The following FHIT variants were observed in gnomAD, a reference collection of about 807,000 sequenced individuals.
FHIT encodes the protein fragile histidine triad diadenosine triphosphatase.
A neutral mutation model predicts 17.9 loss-of-function variants in FHIT; 19 were observed. The observed-to-expected ratio is 1.06, with a 90% CI of 0.74 to 1.56. The LOEUF is 1.56. Among genes scored for constraint, FHIT ranks in the 40% most tolerant of loss-of-function variants. The probability of loss-of-function intolerance (pLI) is 0.00; values close to 1 mark genes in which losing one functional copy is unlikely to be tolerated. For missense variants in FHIT, 248 were observed against 189.2 expected, an observed-to-expected ratio of 1.31 and a Z score of -1.82; for synonymous variants, 81 against 69.7, an observed-to-expected ratio of 1.16 and a Z score of -0.81.
Position 60,825,491 on chromosome 3 carries a change from C to T in FHIT, c.-110-3480G>A, listed in dbSNP as rs552141995. ...TAGGTCGGGGTCCCCAACCGCCAGG[C>T]GGCAGACCAGTACCAGTCTGTGGCC... On this transcript the variant is annotated intron_variant, in intron 3 of 9. Transcript: ENST00000492590. 1.1e-4 allele frequency among the ~76,000 whole-genome samples: 16 copies of T among 152,154 alleles called. 1 individual carries two copies. The highest frequency in any genetic ancestry group is 5.9e-4 in the Admixed American group (9 of 15,278).
At chr3:60,265,475 C>T (rs1435741655) in intron 5 of FHIT, among the ~76,000 whole-genome samples, 1 of 151,858 alleles carries the variant, frequency 6.6e-6, no homozygotes, top group Non-Finnish European at 1.5e-5. Context: ...AGAAAACATA[C>T]ATGTAAACCT....
intron 5 of FHIT, among the ~76,000 whole-genome samples, chr3:60,491,153 AAAC>A (rs2034047294): frequency 6.6e-6 from 1 of 152,182 alleles, no homozygotes; most frequent in South Asian, 2.1e-4. Flanking sequence ...TCTGAAAGGT[AAAC>A]AATAAGCTAC....
intron 4 of FHIT, among the ~76,000 whole-genome samples, chr3:60,591,449 CA>C (rs1304993009): frequency 1.3e-5 from 2 of 152,054 alleles, no homozygotes; most frequent in African/African-American, 4.8e-5. Flanking sequence ...AGCCCCAGAG[CA>C]GGAGCTAGTT....
At chr3:59,923,477 T>C (rs559024085) in intron 7 of FHIT, among the ~76,000 whole-genome samples, 7 of 152,290 alleles carry the variant, frequency 4.6e-5, no homozygotes, top group South Asian at 2.1e-4. Flanking sequence ...ATAGCAATGC[T>C]ATTATGCAAT....
At chr3:60,882,701 G>A (rs1428234537) in intron 3 of FHIT, among the ~76,000 whole-genome samples, 1 of 151,992 alleles carries the variant, frequency 6.6e-6, no homozygotes, top group Non-Finnish European at 1.5e-5. Context: ...ACTAAGTATA[G>A]AATAAGTGCA....
intron 8 of FHIT, among the ~76,000 whole-genome samples, chr3:59,858,827 G>A (rs1702287505): frequency 6.6e-6 from 1 of 152,028 alleles, no homozygotes; most frequent in Non-Finnish European, 1.5e-5. Flanking sequence ...GTGGAAGGGG[G>A]AAAAGACTTA....
chr3:59,750,914 C>T (rs1232296665), intron 9 of FHIT: 1 of 194,716 alleles, frequency 5.1e-6, no homozygotes, highest in Non-Finnish European at 1.1e-5. Flanking sequence ...AGCATTTATT[C>T]ACTAATTTTG....
intron 2 of FHIT, among the ~76,000 whole-genome samples, chr3:61,083,112 T>C (rs530053284): frequency 6.6e-6 from 1 of 152,370 alleles, no homozygotes; most frequent in African/African-American, 2.4e-5. Flanking sequence ...CTTTCCATTT[T>C]GATGTACTCT....
intron 1 of FHIT, among the ~76,000 whole-genome samples, chr3:61,230,871 A>G (rs1056369004): frequency 1.6e-4 from 24 of 152,200 alleles, no homozygotes; most frequent in African/African-American, 5.8e-4. Flanking sequence ...ACAATCTATT[A>G]AATTTGATTC....
rs1700763823 is a variant in FHIT, at chr3:59,749,441, C to CTGGT, written c.*140_*143dup. 8.6e-6 allele frequency: 2 copies of CTGGT among 231,546 alleles called. No individual in the cohort carries two copies. Among genetic ancestry groups the CTGGT allele is most frequent in the African/African-American group, 4.4e-5 (2 of 45,068 alleles). 14.3% of individuals were successfully genotyped at this position (231,546 alleles called of 1,614,324 possible). A position where few individuals can be genotyped will look rare whatever the true frequency, so the allele number is the denominator to read the frequency against. The stretch of plus-strand genomic sequence containing the variant: ...TTGGAGTGACCGAGGTGGGGGATCA[C>CTGGT]TGGTTGAAGAATACAGGATGGTGAG... On this transcript the variant is annotated 3_prime_UTR_variant, in exon 10 of 10. Coordinates refer to ENST00000492590, the MANE Select transcript of FHIT (RefSeq NM_002012.4).
At chr3:59,935,186 T>C (rs17061494) in intron 7 of FHIT, among the ~76,000 whole-genome samples, 15,991 of 152,128 alleles carry the variant, frequency 0.11, 951 homozygotes, top group South Asian at 0.13. Flanking sequence ...AGTGCCTTAG[T>C]AATGTCTCCA....
intron 4 of FHIT, among the ~76,000 whole-genome samples, chr3:60,606,521 G>T (rs183717135): frequency 6.6e-6 from 1 of 152,106 alleles, no homozygotes; most frequent in Admixed American, 6.5e-5. Context: ...GATTACAGGC[G>T]TGAGTCACCG....
chr3:59,946,602 T>C (rs1470834217), intron 7 of FHIT, among the ~76,000 whole-genome samples: 1 of 152,226 alleles, frequency 6.6e-6, no homozygotes, highest in Non-Finnish European at 1.5e-5. Context: ...ATTACAGTTC[T>C]CAAGGGGAAT....
At chr3:60,158,716 G>T (rs1436511660) in intron 5 of FHIT, among the ~76,000 whole-genome samples, 1 of 152,126 alleles carries the variant, frequency 6.6e-6, no homozygotes, top group Non-Finnish European at 1.5e-5. Flanking sequence ...ACTTCATTAT[G>T]AAAAACAGGT....
At chr3:60,985,275 C>T (rs1056250609) in intron 3 of FHIT, among the ~76,000 whole-genome samples, 2 of 152,114 alleles carry the variant, frequency 1.3e-5, no homozygotes, top group African/African-American at 4.8e-5. Context: ...TGGACCCTTG[C>T]ACAAACTCTT....
intron 8 of FHIT, among the ~76,000 whole-genome samples, chr3:59,898,223 C>A (rs1346514654): frequency 6.6e-6 from 1 of 152,134 alleles, no homozygotes; most frequent in Non-Finnish European, 1.5e-5. Flanking sequence ...GCTATTTGTA[C>A]GAGGTCCATA....
intron 5 of FHIT, among the ~76,000 whole-genome samples, chr3:60,234,357 AT>A (rs1704658031): frequency 6.6e-6 from 1 of 152,220 alleles, no homozygotes; most frequent in Non-Finnish European, 1.5e-5. Flanking sequence ...ACTTACACAT[AT>A]TAACACAATT....
In FHIT at chr3:60,012,546, G is replaced by A. The variant is rs189381855; in HGVS notation, c.250-1146C>T. Among the ~76,000 whole-genome samples the A allele has an allele frequency of 8.0e-4, 122 of 152,140 alleles. 1 individual carries two copies. The highest frequency in any genetic ancestry group is 2.9e-3 in the African/African-American group (120 of 41,512). On this transcript the variant is annotated intron_variant, in intron 6 of 9. Coordinates refer to ENST00000492590, the MANE Select transcript of FHIT (RefSeq NM_002012.4). ...AGCCTCCCAAAGTGCTGGGATTACA[G>A]GTGTGAGCCACCACACCCAGCCAGA...
At chr3:60,814,070 T>C (rs1006706080) in intron 4 of FHIT, among the ~76,000 whole-genome samples, 2 of 152,194 alleles carry the variant, frequency 1.3e-5, no homozygotes, top group Admixed American at 6.5e-5. Flanking sequence ...TATTTATTTA[T>C]TTTTATTTGT....
Sources: gnomAD v4.1 joint callset for allele counts (sites outside exome capture counted in the v4.1 genomes callset) on GRCh38, gnomAD v4.1.1 for gene constraint, MANE v1.5 for transcripts, NCBI Gene and HGNC (gene_info 2026-07-23, HGNC 2026-07-21) for gene names.